GRXCR2: variants seen among roughly 807,000 people sequenced by gnomAD.
The protein encoded by GRXCR2 is glutaredoxin domain-containing cysteine-rich protein 2.
A neutral mutation model predicts 24.8 loss-of-function variants in GRXCR2; 23 were observed. The ratio of observed to expected loss-of-function variants is 0.93; its 90% CI spans 0.67 to 1.32. The LOEUF (loss-of-function observed/expected upper bound fraction) is 1.32. GRXCR2 is among the 40% of genes most tolerant of loss of function. The pLI, the probability that GRXCR2 is intolerant of heterozygous loss-of-function variation, is 0.00. For synonymous variants in GRXCR2, 130 were observed against 116.1 expected, an observed-to-expected ratio of 1.12 and a Z score of -0.77; for missense variants, 315 against 303.4, an observed-to-expected ratio of 1.04 and a Z score of -0.28.
Position 145,905,874 on chromosome 5 carries a change from T to C in GRXCR2, c.-70+29827A>G, listed in dbSNP as rs192832798. 3.7e-4 allele frequency among the ~76,000 whole-genome samples: 57 copies of C among 152,240 alleles called. 1 individual carries two copies. Among genetic ancestry groups the C allele is most frequent in the African/African-American group, 1.3e-3 (56 of 41,542 alleles). Reference sequence around the variant, plus strand: ...AAATAAATGAATGAACAAATAGTGGTCCAAGAATAGCACATGGTCCAGCGT... The same window carrying C: ...AAATAAATGAATGAACAAATAGTGGCCCAAGAATAGCACATGGTCCAGCGT... On this transcript the variant is annotated intron_variant, in intron 2 of 3. Coordinates refer to the GRXCR2 transcript ENST00000639411.
chr5:145,871,828 C>T (rs60809583), intron 1 of GRXCR2, among the ~76,000 whole-genome samples: 33,230 of 152,064 alleles, frequency 0.22, 4,326 homozygotes, highest in East Asian at 0.59. Flanking sequence ...TCATTAATAA[C>T]GTGGATACAT....
At chr5:145,869,169 C>T (rs545019532) in intron 1 of GRXCR2, among the ~76,000 whole-genome samples, 3 of 152,264 alleles carry the variant, frequency 2.0e-5, no homozygotes, top group Non-Finnish European at 4.4e-5. Context: ...ATAGACAGAC[C>T]TGAGTTCAGA....
At chr5:145,920,257 G>C (rs987899939) in intron 2 of GRXCR2, among the ~76,000 whole-genome samples, 1 of 152,116 alleles carries the variant, frequency 6.6e-6, no homozygotes, top group African/African-American at 2.4e-5. Context: ...TGTCCTCAAC[G>C]TGTGGTCCTG....
At chr5:145,878,606 A>C (rs1425103528) in intron 2 of GRXCR2, among the ~76,000 whole-genome samples, 6 of 152,200 alleles carry the variant, frequency 3.9e-5, no homozygotes, top group Admixed American at 3.3e-4. Flanking sequence ...GAATAGAACC[A>C]AGTTGGAAAA....
Position 145,927,587 on chromosome 5 carries a change from T to C in GRXCR2, c.-70+8114A>G, listed in dbSNP as rs142820741. On this transcript the variant is annotated intron_variant, in intron 2 of 3. Transcript: ENST00000639411. ...CATCCCAGGGATGAAGCCCGCTTGA[T>C]CATGGTAGATAAGCTTTTTGATGTG... Among the ~76,000 whole-genome samples the C allele has an allele frequency of 6.2e-3, 947 of 152,330 alleles. 9 individuals are homozygous for C. Among genetic ancestry groups the C allele is most frequent in the African/African-American group, 0.021 (894 of 41,584 alleles).
rs759836011 is a variant in GRXCR2, at chr5:145,872,694, T to C, written c.275A>G (p.Asn92Ser). ...AQRISVFREG[N>S]AYTLAGGQPR... The stretch of plus-strand genomic sequence containing the variant: ...CTGGCCGCCTGCCAAGGTGTAGGCA[T>C]TACCCTCTCTAAACACACTGATCCT... Residue 92 changes from asparagine to serine, a missense_variant, in exon 1 of 3, where the codon AAT becomes AGT. Coordinates refer to ENST00000377976, the MANE Select transcript of GRXCR2 (RefSeq NM_001080516.2). 1 of 1,613,598 alleles carries C rather than the reference T, an allele frequency of 6.2e-7. No homozygotes were observed. Among genetic ancestry groups the C allele is most frequent in the South Asian group, 1.1e-5 (1 of 91,054 alleles).
chr5:145,901,897 AGATCAG>A (rs1757030840), intron 2 of GRXCR2, among the ~76,000 whole-genome samples: 1 of 152,184 alleles, frequency 6.6e-6, no homozygotes, highest in South Asian at 2.1e-4. Flanking sequence ...CAGTGTCTCA[AGATCAG>A]GAAGGGAGCT....
rs544433975 is a variant in GRXCR2 at position 145,923,185 on chromosome 5, T to C, written c.-70+12516A>G. 4.6e-5 allele frequency among the ~76,000 whole-genome samples: 7 copies of C among 152,346 alleles called. No homozygotes were observed. The South Asian group carries it at 1.2e-3, about 27-fold the overall frequency. On this transcript the variant is annotated intron_variant, in intron 2 of 3. Transcript: ENST00000639411. Reference sequence around the variant, plus strand: ...TGGATGGGGCCTATGCACTTCTAACTGGTTTCCAGGTACACTGATATGGTG... The same window carrying C: ...TGGATGGGGCCTATGCACTTCTAACCGGTTTCCAGGTACACTGATATGGTG...
chr5:145,874,192 T>C (rs961029938), upstream of GRXCR2, among the ~76,000 whole-genome samples: 1 of 150,512 alleles, frequency 6.6e-6, no homozygotes, highest in African/African-American at 2.5e-5. Flanking sequence ...GATTCTTTTT[T>C]TTTATTATTT....
chr5:145,909,632 T>C (rs1223701021), intron 2 of GRXCR2, among the ~76,000 whole-genome samples: 1 of 152,210 alleles, frequency 6.6e-6, no homozygotes, highest in African/African-American at 2.4e-5. Flanking sequence ...CTCGCCAGAA[T>C]ATAAGCATGG....
At chr5:145,907,573 G>T (rs1483472342) in intron 2 of GRXCR2, among the ~76,000 whole-genome samples, 1 of 151,996 alleles carries the variant, frequency 6.6e-6, no homozygotes, top group Non-Finnish European at 1.5e-5. Context: ...CGCTCTGGCT[G>T]CCACATCGAG....
chr5:145,858,017 C>G (rs1043281014), downstream of GRXCR2, among the ~76,000 whole-genome samples: 2 of 151,978 alleles, frequency 1.3e-5, no homozygotes, highest in African/African-American at 2.4e-5. Context: ...ATATTCCTGT[C>G]GAAAAGCAGA....
intron 2 of GRXCR2, among the ~76,000 whole-genome samples, chr5:145,921,587 G>A (rs1005232645): frequency 2.6e-5 from 4 of 152,190 alleles, no homozygotes; most frequent in African/African-American, 9.6e-5. Context: ...GCCCTTAGTG[G>A]GTAATGATGC....
chr5:145,925,884 C>A (rs887591380), intron 2 of GRXCR2, among the ~76,000 whole-genome samples: 1 of 151,956 alleles, frequency 6.6e-6, no homozygotes, highest in Non-Finnish European at 1.5e-5. Context: ...TCCTGGAAGG[C>A]CTACTCATAA....
chr5:145,929,337 A>T (rs1272897592), intron 2 of GRXCR2, among the ~76,000 whole-genome samples: 1 of 151,466 alleles, frequency 6.6e-6, no homozygotes, highest in Non-Finnish European at 1.5e-5. Context: ...ATGTTACATA[A>T]ATTTATAGAA....
chr5:145,930,941 G>C (rs73310120), intron 2 of GRXCR2, among the ~76,000 whole-genome samples: 1 of 152,144 alleles, frequency 6.6e-6, no homozygotes, highest in Admixed American at 6.5e-5. Flanking sequence ...AGAGTAATTC[G>C]CCTAAGTGAT....
intron 2 of GRXCR2, among the ~76,000 whole-genome samples, chr5:145,894,985 G>A (rs1020151403): frequency 2.2e-4 from 33 of 152,104 alleles, no homozygotes; most frequent in Admixed American, 1.4e-3. Context: ...TTCAACATAC[G>A]CAAATCAATA....
At chr5:145,927,676 T>C (rs1389859156) in intron 2 of GRXCR2, among the ~76,000 whole-genome samples, 1 of 152,194 alleles carries the variant, frequency 6.6e-6, no homozygotes, top group Non-Finnish European at 1.5e-5. Context: ...TCAGGGATAT[T>C]GGTCTAAAAT....
At chr5:145,894,687 C>T (rs913863645) in intron 2 of GRXCR2, among the ~76,000 whole-genome samples, 8 of 152,132 alleles carry the variant, frequency 5.3e-5, no homozygotes, top group Non-Finnish European at 7.3e-5. Flanking sequence ...GATTCACAGC[C>T]GAATTCTACC....
Sources: gnomAD v4.1 joint callset for allele counts (sites outside exome capture counted in the v4.1 genomes callset) on GRCh38, gnomAD v4.1.1 for gene constraint, MANE v1.5 for transcripts, NCBI Gene and HGNC (gene_info 2026-07-23, HGNC 2026-07-21) for gene names.